Variants in KCNQ2 observed in about 807,000 individuals in gnomAD.
KCNQ2 encodes the protein potassium voltage-gated channel subfamily KQT member 2.
In KCNQ2, 14 loss-of-function variants were observed where a neutral mutation model predicts 84.8. The ratio of observed to expected loss-of-function variants is 0.17; its 90% CI spans 0.11 to 0.26. KCNQ2 has a LOEUF of 0.26. Among genes scored for constraint, KCNQ2 ranks in the 10% least tolerant of loss-of-function variants. KCNQ2 has a pLI of 1.00. For synonymous variants in KCNQ2, 599 were observed against 554.1 expected, an observed-to-expected ratio of 1.08 and a Z score of -1.14; for missense variants, 788 against 1,254.0, an observed-to-expected ratio of 0.63 and a Z score of 5.61.
chr20:63,454,582 G>A (rs527397473), intron 1 of KCNQ2, among the ~76,000 whole-genome samples: 6 of 152,258 alleles, frequency 3.9e-5, no homozygotes, highest in South Asian at 2.1e-4. Flanking sequence ...CCATCCGGTC[G>A]GCCGAACCGT....
intron 12 of KCNQ2, among the ~76,000 whole-genome samples, chr20:63,418,274 G>A (rs1223067995): frequency 3.9e-5 from 6 of 152,232 alleles, no homozygotes; most frequent in African/African-American, 1.2e-4. Context: ...AGGGGCGTCC[G>A]TGGCACCTAC....
chr20:63,434,213 C>T, intron 7 of KCNQ2: 1 of 416,136 alleles, frequency 2.4e-6, no homozygotes, highest in Non-Finnish European at 4.3e-6. Context: ...TGACTCTTAC[C>T]TGGCCCCTGG....
At chr20:63,455,843 C>T (rs2081771006) in intron 1 of KCNQ2, among the ~76,000 whole-genome samples, 1 of 129,880 alleles carries the variant, frequency 7.7e-6, no homozygotes, top group Non-Finnish European at 1.6e-5. Flanking sequence ...GGCCCCCCAC[C>T]TCCGGGAGAC....
At chr20:63,452,819 C>T (rs1258096432) in intron 1 of KCNQ2, among the ~76,000 whole-genome samples, 1 of 152,086 alleles carries the variant, frequency 6.6e-6, no homozygotes, top group Non-Finnish European at 1.5e-5. Context: ...GAGGCCCCAC[C>T]GGGACCCTCC....
At chr20:63,410,802 T>G (rs1159005930) in intron 15 of KCNQ2, among the ~76,000 whole-genome samples, 4 of 152,114 alleles carry the variant, frequency 2.6e-5, no homozygotes, top group African/African-American at 7.2e-5. Flanking sequence ...TGGGCTTCAT[T>G]TGCCCAGACA....
intron 1 of KCNQ2, among the ~76,000 whole-genome samples, chr20:63,463,153 T>C (rs1464786663): frequency 6.6e-6 from 1 of 151,884 alleles, no homozygotes; most frequent in African/African-American, 2.4e-5. Flanking sequence ...TCCCAGCTAC[T>C]CAGGAGGTCA....
chr20:63,439,249 A>G (rs2081089002), intron 6 of KCNQ2, among the ~76,000 whole-genome samples: 1 of 151,990 alleles, frequency 6.6e-6, no homozygotes. Context: ...CTGCCTAGAG[A>G]CCCATGAGGG....
At chr20:63,442,833 CCACCACCACCATCACCAT>C (rs2081234191) in intron 4 of KCNQ2, among the ~76,000 whole-genome samples, 2 of 66,222 alleles carry the variant, frequency 3.0e-5, no homozygotes, top group Non-Finnish European at 6.6e-5. Context: ...ATCACCATCA[CCACCACCACCATCACCAT>C]CACCACCACC....
At chr20:63,449,629 C>T (rs1042239286) in intron 1 of KCNQ2, among the ~76,000 whole-genome samples, 1 of 152,150 alleles carries the variant, frequency 6.6e-6, no homozygotes, top group Admixed American at 6.5e-5. Flanking sequence ...TGTGGGAGAG[C>T]CCCTGGGGAG....
intron 1 of KCNQ2, among the ~76,000 whole-genome samples, chr20:63,463,055 CTGTGTGTGTGTGTGTG>C (rs10532345): frequency 1.4e-5 from 2 of 147,910 alleles, no homozygotes; most frequent in East Asian, 2.0e-4. Context: ...GGTGTCTTTT[CTGTGTGTGTGTGTGTG>C]TGTGTGTGTG....
At chr20:63,413,334 G>A (rs2145539939) in intron 15 of KCNQ2, 116 bp downstream of exon 15, 1 of 1,229,786 alleles carries the variant, frequency 8.1e-7, no homozygotes, top group South Asian at 1.3e-5. Flanking sequence ...CGACGTGGGT[G>A]GGGAGGAGGC....
At chr20:63,442,830 TCACCAC>T (rs747940691) in intron 4 of KCNQ2, among the ~76,000 whole-genome samples, 24 of 20,488 alleles carry the variant, frequency 1.2e-3, no homozygotes, top group African/African-American at 4.9e-3. Flanking sequence ...ACCATCACCA[TCACCAC>T]CACCACCATC....
chr20:63,458,743 G>A (rs2081871624), intron 1 of KCNQ2, among the ~76,000 whole-genome samples: 1 of 152,178 alleles, frequency 6.6e-6, no homozygotes, highest in Admixed American at 6.5e-5. Flanking sequence ...CAGGCAGGCG[G>A]CAGCCAAGAC....
rs575968923 is a variant in KCNQ2, at chr20:63,467,152, C to T, written c.296+5016G>A. The stretch of plus-strand genomic sequence containing the variant: ...AGCCTCCCGTCAAACCTCAAGTGGA[C>T]CTTCGGAGGGCCCAGGGCACAGGCT... On this transcript the variant is annotated intron_variant, in intron 1 of 16. Transcript: ENST00000359125. 1.2e-3 allele frequency among the ~76,000 whole-genome samples: 188 copies of T among 151,838 alleles called. 1 individual carries two copies. The highest frequency in any genetic ancestry group is 4.3e-3 in the African/African-American group (180 of 41,532).
chr20:63,470,329 G>C (rs1204715586), intron 1 of KCNQ2, among the ~76,000 whole-genome samples: 1 of 152,232 alleles, frequency 6.6e-6, no homozygotes, highest in Non-Finnish European at 1.5e-5. Context: ...CAGACGTTGA[G>C]GGTCTCGCCT....
intron 1 of KCNQ2, among the ~76,000 whole-genome samples, chr20:63,452,621 G>A (rs1407227766): frequency 6.6e-6 from 1 of 152,266 alleles, no homozygotes; most frequent in Non-Finnish European, 1.5e-5. Context: ...GGACACAGGG[G>A]CCTCGGCCAG....
chr20:63,437,738 T>G (rs536981069), intron 7 of KCNQ2, among the ~76,000 whole-genome samples: 18 of 152,216 alleles, frequency 1.2e-4, no homozygotes, highest in Middle Eastern at 3.2e-3. Context: ...GCTCTGCGGG[T>G]CCAGTGGATG....
chr20:63,444,746 G>T lies in KCNQ2; in HGVS notation c.603C>A (p.Arg201=), dbSNP rs1057524529. 7.5e-6 allele frequency: 12 copies of T among 1,605,970 alleles called. No homozygotes were observed. Among genetic ancestry groups the T allele is most frequent in the South Asian group, 1.1e-5 (1 of 89,420 alleles). Residue 201 remains arginine, a synonymous_variant, in exon 4 of 17, where the codon CGC becomes CGA. Transcript: ENST00000359125. ...GGATCATCCGCAGAATCTGCAGGAA[G>T]CGCAGGCTCCGGAGCGCAGATGTGG... ...VFATSALRSL[R]FLQILRMIRM...
intron 12 of KCNQ2, 116 bp from the exon 13 acceptor site, chr20:63,415,242 A>G: frequency 2.2e-6 from 2 of 920,970 alleles, no homozygotes; most frequent in Non-Finnish European, 3.4e-6. Flanking sequence ...AGGGAGACAC[A>G]GGTCTGAAGA....
Sources: allele counts gnomAD v4.1 joint callset (sites outside exome capture counted in the v4.1 genomes callset), GRCh38; gene constraint gnomAD v4.1.1; transcripts MANE v1.5; gene names NCBI Gene and HGNC (gene_info 2026-07-23, HGNC 2026-07-21).